TCN1: variants seen among roughly 807,000 people sequenced by gnomAD.
The protein encoded by TCN1 is transcobalamin-1.
TCN1 carries 47 observed loss-of-function variants against 46.3 expected under a neutral mutation model. The observed-to-expected ratio is 1.01, with a 90% CI of 0.80 to 1.29. The LOEUF (loss-of-function observed/expected upper bound fraction) is 1.29. Ranked by LOEUF, TCN1 falls within the 50% of genes most tolerant of loss-of-function variation. The pLI is 0.00. For synonymous variants in TCN1, 183 were observed against 192.5 expected, an observed-to-expected ratio of 0.95 and a Z score of 0.41; for missense variants, 532 against 511.0, an observed-to-expected ratio of 1.04 and a Z score of -0.40.
rs1045973245 is a variant in TCN1 at position 59,853,311 on chromosome 11, C to T, written c.1132G>A (p.Glu378Lys). 1.2e-6 allele frequency: 2 copies of T among 1,613,874 alleles called. No individual in the cohort carries two copies. Among genetic ancestry groups the T allele is most frequent in the African/African-American group, 2.7e-5 (2 of 74,880 alleles). The change falls in exon 8 of 9, where the codon GAG becomes AAG. Residue 378 changes from glutamate to lysine, a missense_variant. Glu to Lys is a moderately conservative substitution (Grantham distance 56). Coordinates refer to ENST00000257264, the MANE Select transcript of TCN1 (RefSeq NM_001062.4). ...MNDTIFGFTM[E>K]ERSWGPYITC... ...ATATAGGGCCCCCATGAGCGCTCCT[C>T]CATTGTGAAACTGTGGGTGACAGCA...
At chr11:59,854,597 T>A (rs1852905941) in intron 7 of TCN1, 55 bp downstream of exon 7, 3 of 1,575,200 alleles carry the variant, frequency 1.9e-6, no homozygotes, top group Non-Finnish European at 2.6e-6. Flanking sequence ...GCATTCTTAC[T>A]GCATCTTTAG....
At chr11:59,862,493 A>C in intron 3 of TCN1, 89 bp downstream of exon 3, 1 of 1,492,752 alleles carries the variant, frequency 6.7e-7, no homozygotes. Context: ...GATGAAGAGA[A>C]GGAAAGAGTG....
intron 4 of TCN1, among the ~76,000 whole-genome samples, chr11:59,860,863 TCCAG>T (rs1442683138): frequency 6.6e-6 from 1 of 152,178 alleles, no homozygotes; most frequent in Non-Finnish European, 1.5e-5. Context: ...CTCCTTACTA[TCCAG>T]AAATACTACA....
intron 5 of TCN1, 21 bp downstream of exon 5, chr11:59,859,056 C>T: frequency 6.2e-7 from 1 of 1,610,452 alleles, no homozygotes; most frequent in African/African-American, 1.3e-5. Context: ...TCTCTGCCTC[C>T]TGTTTCACCC....
Position 59,859,168 on chromosome 11 carries a change from A to G in TCN1, c.656T>C (p.Ile219Thr), listed in dbSNP as rs748105086. 1.9e-6 allele frequency: 3 copies of G among 1,614,000 alleles called. No individual in the cohort carries two copies. Among genetic ancestry groups the G allele is most frequent in the African/African-American group, 1.3e-5 (1 of 75,024 alleles). Residue 219 changes from isoleucine to threonine, a missense_variant, in exon 5 of 9, where the codon ATT (isoleucine) becomes ACT (threonine). Coordinates refer to ENST00000257264, the MANE Select transcript of TCN1 (RefSeq NM_001062.4). ...CTTTTCTACCAGTGACTTTGTATAA[A>G]TACTGATGTTCTTTAAACTGCCTTC... ...ADEGSLKNISIYTKSLVEKIL... is the reference protein window; with the variant it reads ...ADEGSLKNISTYTKSLVEKIL...
chr11:59,855,535 C>A (rs983385965), intron 6 of TCN1, among the ~76,000 whole-genome samples: 2 of 152,206 alleles, frequency 1.3e-5, no homozygotes, highest in Non-Finnish European at 2.9e-5. Context: ...GTCAGAGTCA[C>A]GGTACCAATA....
In TCN1 at chr11:59,866,402, G is replaced by A. The variant is rs749820775; in HGVS notation, c.69C>T (p.Cys23=). The A allele has an allele frequency of 6.8e-6, 11 of 1,613,116 alleles. No individual in the cohort carries two copies. The highest frequency in any genetic ancestry group is 3.3e-5 in the Admixed American group (2 of 59,942). ...LLFSFIPSQL[C]EICEVSEENY... ...TCAAAGTTTACTCACCACAAATCTCGCATAGTTGGCTTGGAATAAAAGAAA... is the reference window on the plus strand; with the variant it reads ...TCAAAGTTTACTCACCACAAATCTCACATAGTTGGCTTGGAATAAAAGAAA... Residue 23 remains cysteine (C), a synonymous_variant, in exon 1 of 9, where the codon TGC becomes TGT. Transcript: ENST00000257264.
Position 59,859,730 on chromosome 11 carries a change from T to C in TCN1, c.557-463A>G, listed in dbSNP as rs375540615. Among the ~76,000 whole-genome samples, 174 of 152,352 alleles carry C rather than the reference T, an allele frequency of 1.1e-3. 10 individuals carry two copies. In the South Asian group the frequency reaches 0.034, roughly 30 times the overall value. ...AGTTCATCTTGACTTAAAGCCAAGCTCCTGGAGGTTTAGAGAGTGGTGTCT... is the reference window on the plus strand; with the variant it reads ...AGTTCATCTTGACTTAAAGCCAAGCCCCTGGAGGTTTAGAGAGTGGTGTCT... On this transcript the variant is annotated intron_variant, in intron 4 of 8. Transcript: ENST00000257264.
chr11:59,856,001 G>C lies in TCN1; in HGVS notation c.805C>G (p.Leu269Val). The stretch of plus-strand genomic sequence containing the variant: ...GAAATTTCCGTGAGCACTGTATTCA[G>C]AGTTTGTTGGCAATTCCAGTCATTT... Reference protein sequence around the residue: ...NENDWNCQQTLNTVLTEISQG... With the variant: ...NENDWNCQQTVNTVLTEISQG... The change falls in exon 6 of 9, where the codon CTG becomes GTG. Residue 269 changes from leucine to valine, a missense_variant. Physicochemically the swap from Leu to Val is conservative, Grantham distance 32. Coordinates refer to ENST00000257264, the MANE Select transcript of TCN1 (RefSeq NM_001062.4). 7.1e-7 allele frequency: 1 copy of C among 1,416,156 alleles called. No individual in the cohort carries two copies. Among genetic ancestry groups the C allele is most frequent in the Non-Finnish European group, 9.5e-7 (1 of 1,055,522 alleles). The allele number at this position is 1,416,156 out of a possible 1,614,324, so 87.7% of individuals were successfully genotyped here. A position where few individuals can be genotyped will look rare whatever the true frequency, so the allele number is the denominator to read the frequency against.
At chr11:59,859,488 C>G (rs1852994783) in intron 4 of TCN1, among the ~76,000 whole-genome samples, 1 of 152,224 alleles carries the variant, frequency 6.6e-6, no homozygotes, top group African/African-American at 2.4e-5. Flanking sequence ...TCCCAATGTT[C>G]AGTTGCCATG....
At chr11:59,857,903 AG>A (rs1425278148) in intron 5 of TCN1, among the ~76,000 whole-genome samples, 2 of 152,140 alleles carry the variant, frequency 1.3e-5, no homozygotes, top group Non-Finnish European at 2.9e-5. Context: ...CTCCTAGTTT[AG>A]GAAATGGAGG....
At chr11:59,862,234 T>A (rs1328223243) in intron 3 of TCN1, among the ~76,000 whole-genome samples, 1 of 152,182 alleles carries the variant, frequency 6.6e-6, no homozygotes, top group Admixed American at 6.6e-5. Flanking sequence ...GTATCCTGTA[T>A]TGTTCAGCTA....
In TCN1 at chr11:59,861,599, A is replaced by G; in HGVS notation, c.484T>C (p.Ser162Pro). ...AAGTGGTTGACAACTTCGGCGGTTGAGTAGTTCCCATTGAACAGACACAAG... is the reference window on the plus strand; with the variant it reads ...AAGTGGTTGACAACTTCGGCGGTTGGGTAGTTCCCATTGAACAGACACAAG... ...LALCLFNGNYSTAEVVNHFTP... is the reference protein window; with the variant it reads ...LALCLFNGNYPTAEVVNHFTP... The change falls in exon 4 of 9, where the codon TCA becomes CCA. Residue 162 changes from serine to proline, a missense_variant. Transcript: ENST00000257264. 1 of 1,614,172 alleles carries G rather than the reference A, an allele frequency of 6.2e-7. No individual in the cohort carries two copies. The highest frequency in any genetic ancestry group is 1.1e-5 in the South Asian group (1 of 91,084).
rs73490905 is a variant in TCN1 at position 59,862,507 on chromosome 11, G to A, written c.400+75C>T. On this transcript the variant is annotated intron_variant, in intron 3 of 8. Coordinates refer to ENST00000257264, the MANE Select transcript of TCN1 (RefSeq NM_001062.4). ...GGATGAAGAGAAGGAAAGAGTGGAG[G>A]GAAACTTCATATAGTTTTGAATCAG... 1.0e-3 allele frequency: 1,590 copies of A among 1,558,464 alleles called. 14 individuals carry two copies. The African/African-American group carries it at 0.017, about 17-fold the overall frequency.
At position 59,862,177 on chromosome 11, in the gene TCN1, C is replaced by A. The variant is rs560520756; in HGVS notation, c.400+405G>T. On this transcript the variant is annotated intron_variant, in intron 3 of 8. Coordinates refer to ENST00000257264, the MANE Select transcript of TCN1 (RefSeq NM_001062.4). ...TCCCAGTGATAATGTACTCTGGCCA[C>A]CTTTAGCTCATATACTAGCATTGTA... 2.0e-5 allele frequency among the ~76,000 whole-genome samples: 3 copies of A among 152,246 alleles called. No homozygotes were observed. The South Asian group carries it at 6.2e-4, about 32-fold the overall frequency.
At chr11:59,861,771 T>C in intron 3 of TCN1, 89 bp from the exon 4 acceptor site, 5 of 1,455,342 alleles carry the variant, frequency 3.4e-6, no homozygotes, top group Non-Finnish European at 4.8e-6. Flanking sequence ...CTATTTTAAT[T>C]TCTTTACATT....
At chr11:59,860,298 T>C (rs1427143321) in intron 4 of TCN1, among the ~76,000 whole-genome samples, 1 of 152,076 alleles carries the variant, frequency 6.6e-6, no homozygotes, top group Non-Finnish European at 1.5e-5. Flanking sequence ...CCCAGCTAAT[T>C]TTGTATTTTT....
chr11:59,854,793 G>C lies in TCN1; in HGVS notation c.980C>G (p.Pro327Arg), dbSNP rs36044892. 108 of 1,614,014 alleles carry C rather than the reference G, an allele frequency of 6.7e-5. No homozygotes were observed. In the African/African-American group the frequency reaches 1.2e-3, roughly 18 times the overall value. ...GGAGATATATGATTGTGAGTCAGGA[G>C]GTGTCACAGTTATAGGCTCATCAGC... is the stretch of plus-strand genomic sequence containing the variant. ...ISADEPITVT[P>R]PDSQSYISVN... Residue 327 changes from proline (P) to arginine (R), a missense_variant, in exon 7 of 9, where the codon CCT (proline) becomes CGT (arginine). Physicochemically the swap from Pro to Arg is moderately radical, Grantham distance 103. Coordinates refer to ENST00000257264, the MANE Select transcript of TCN1 (RefSeq NM_001062.4).
intron 5 of TCN1, among the ~76,000 whole-genome samples, chr11:59,856,638 C>T (rs1290899615): frequency 6.6e-6 from 1 of 152,124 alleles, no homozygotes; most frequent in African/African-American, 2.4e-5. Flanking sequence ...ACAGTATCTG[C>T]ATTTTAGCAA....
Sources: allele counts gnomAD v4.1 joint callset (sites outside exome capture counted in the v4.1 genomes callset), GRCh38; gene constraint gnomAD v4.1.1; transcripts MANE v1.5; gene names NCBI Gene and HGNC (gene_info 2026-07-23, HGNC 2026-07-21).